Variants in HPSE2 observed in about 807,000 individuals in gnomAD.
HPSE2 encodes the protein heparanase 2 (inactive), also known as inactive heparanase-2.
In HPSE2, 38 loss-of-function variants were observed where a neutral mutation model predicts 60.5. The observed-to-expected ratio is 0.63, with a 90% CI of 0.48 to 0.82. The LOEUF (loss-of-function observed/expected upper bound fraction) is 0.82. Among genes scored for constraint, HPSE2 ranks in the 40% least tolerant of loss-of-function variants. The pLI is 0.00. For synonymous variants in HPSE2, 295 were observed against 293.2 expected (o/e 1.01, Z -0.06); for missense variants, 713 against 740.4 (o/e 0.96, Z 0.43).
intron 6 of HPSE2, among the ~76,000 whole-genome samples, chr10:98,670,489 T>G (rs1156406459): frequency 6.6e-6 from 1 of 152,202 alleles, no homozygotes; most frequent in Non-Finnish European, 1.5e-5. Context: ...GCATCCATAA[T>G]CTGAAAATTC....
At chr10:99,038,738 G>C (rs1306989350) in intron 3 of HPSE2, among the ~76,000 whole-genome samples, 1 of 151,958 alleles carries the variant, frequency 6.6e-6, no homozygotes, top group Non-Finnish European at 1.5e-5. Flanking sequence ...CGGGAAGCCG[G>C]GTGAAGGATA....
intron 9 of HPSE2, among the ~76,000 whole-genome samples, chr10:98,547,637 A>C: frequency 8.4e-6 from 1 of 118,888 alleles, no homozygotes. Context: ...GGGGAACATC[A>C]CACTCTGGGG....
At chr10:99,175,347 AGCCCAGCAAGCTAAGATCCACTGGCTT>A (rs1847483435) in intron 2 of HPSE2, among the ~76,000 whole-genome samples, 1 of 152,176 alleles carries the variant, frequency 6.6e-6, no homozygotes, top group African/African-American at 2.4e-5. Context: ...ACCCCCACAG[AGCCCAGCAAGCTAAGATCCACTGGCTT>A]GAAATTCTCG....
chr10:98,889,209 T>G (rs1350817686), intron 3 of HPSE2, among the ~76,000 whole-genome samples: 1 of 152,008 alleles, frequency 6.6e-6, no homozygotes, highest in Non-Finnish European at 1.5e-5. Context: ...CTTTATTTAT[T>G]TATTTATTTT....
chr10:98,725,406 T>C (rs1318759924), intron 4 of HPSE2, among the ~76,000 whole-genome samples: 1 of 152,216 alleles, frequency 6.6e-6, no homozygotes, highest in Non-Finnish European at 1.5e-5. Context: ...CCCTATTTAA[T>C]AAATGGTGCT....
intron 2 of HPSE2, among the ~76,000 whole-genome samples, chr10:99,152,436 G>A (rs1484618244): frequency 6.6e-6 from 1 of 151,800 alleles, no homozygotes; most frequent in Non-Finnish European, 1.5e-5. Context: ...TACACAGGAA[G>A]AAATGAAATA....
chr10:99,008,776 G>A (rs1446453209), intron 3 of HPSE2, among the ~76,000 whole-genome samples: 1 of 152,154 alleles, frequency 6.6e-6, no homozygotes, highest in Admixed American at 6.5e-5. Flanking sequence ...AAAGCAGCCA[G>A]ACTCAGTGCT....
chr10:98,660,866 C>T (rs1381048800), intron 6 of HPSE2, among the ~76,000 whole-genome samples: 4 of 152,160 alleles, frequency 2.6e-5, no homozygotes, highest in African/African-American at 9.7e-5. Flanking sequence ...TTGCCAAGTA[C>T]CTTTTCATCT....
the HPSE2 span, among the ~76,000 whole-genome samples, chr10:99,245,805 A>C: frequency 2.0e-5 from 3 of 152,210 alleles, no homozygotes; most frequent in African/African-American, 7.2e-5. Context: ...AAATTTGCAA[A>C]AAGGCCATTA....
At chr10:98,468,323 C>G (rs766493398) in intron 11 of HPSE2, among the ~76,000 whole-genome samples, 16 of 152,152 alleles carry the variant, frequency 1.1e-4, no homozygotes, top group Admixed American at 2.6e-4. Flanking sequence ...ACCCCATGTC[C>G]GGCTGGAGGA....
intron 3 of HPSE2, among the ~76,000 whole-genome samples, chr10:99,040,913 T>C (rs1177519354): frequency 6.6e-6 from 1 of 151,820 alleles, no homozygotes; most frequent in Non-Finnish European, 1.5e-5. Flanking sequence ...AGTGAAACCC[T>C]GTCTCTACGA....
At chr10:98,985,833 G>A (rs1481604750) in intron 3 of HPSE2, among the ~76,000 whole-genome samples, 2 of 152,054 alleles carry the variant, frequency 1.3e-5, no homozygotes, top group African/African-American at 2.4e-5. Flanking sequence ...AAAGGCAGGG[G>A]TTGCAATCCT....
intron 6 of HPSE2, among the ~76,000 whole-genome samples, chr10:98,668,192 G>A (rs565253762): frequency 6.6e-6 from 1 of 151,910 alleles, no homozygotes; most frequent in Non-Finnish European, 1.5e-5. Flanking sequence ...AAATACCTAG[G>A]AATATATCTA....
At chr10:99,247,176 T>C in the HPSE2 span, among the ~76,000 whole-genome samples, 2 of 152,206 alleles carry the variant, frequency 1.3e-5, no homozygotes, top group African/African-American at 4.8e-5. Flanking sequence ...TGCTATACAG[T>C]TAAGACTCAC....
At chr10:98,955,346 A>T (rs1442328520) in intron 3 of HPSE2, among the ~76,000 whole-genome samples, 1 of 152,120 alleles carries the variant, frequency 6.6e-6, no homozygotes, top group African/African-American at 2.4e-5. Context: ...GGACAAACAT[A>T]TTTTTTTAAA....
At chr10:99,152,850 T>G (rs543401896) in intron 2 of HPSE2, among the ~76,000 whole-genome samples, 1 of 152,180 alleles carries the variant, frequency 6.6e-6, no homozygotes, top group African/African-American at 2.4e-5. Flanking sequence ...CGGGTTCACC[T>G]CACTAGGGAG....
chr10:99,116,408 A>T (rs2135696536), intron 3 of HPSE2, among the ~76,000 whole-genome samples: 1 of 152,284 alleles, frequency 6.6e-6, no homozygotes, highest in South Asian at 2.1e-4. Flanking sequence ...ATACAAAAAA[A>T]CCCCAGAAAA....
intron 3 of HPSE2, among the ~76,000 whole-genome samples, chr10:98,792,640 CAAA>C (rs60889251): frequency 3.3e-4 from 46 of 139,712 alleles, no homozygotes; most frequent in South Asian, 1.6e-3. Context: ...CAAATTCCTA[CAAA>C]AAAAAAAAAA....
intron 9 of HPSE2, among the ~76,000 whole-genome samples, chr10:98,528,978 C>T (rs982408268): frequency 6.6e-6 from 1 of 152,230 alleles, no homozygotes; most frequent in Admixed American, 6.5e-5. Context: ...GTGGTAACAA[C>T]CGCAAACCAC....
Sources: allele counts gnomAD v4.1 joint callset (sites outside exome capture counted in the v4.1 genomes callset), GRCh38; gene constraint gnomAD v4.1.1; transcripts MANE v1.5; gene names NCBI Gene and HGNC (gene_info 2026-07-23, HGNC 2026-07-21).